Variants in RNMT observed in about 807,000 individuals in gnomAD.
The protein encoded by RNMT is RNA guanine-7 methyltransferase.
In RNMT, 27 loss-of-function variants were observed where a neutral mutation model predicts 56.0. The observed-to-expected ratio is 0.48, with a 90% CI of 0.36 to 0.67. RNMT has a LOEUF of 0.67. Among genes scored for constraint, RNMT ranks in the 30% least tolerant of loss-of-function variants. RNMT has a pLI of 0.00. For missense variants in RNMT, 519 were observed against 552.1 expected (o/e 0.94, Z 0.60); for synonymous variants, 184 against 176.2 (o/e 1.04, Z -0.35).
intron 10 of RNMT, among the ~76,000 whole-genome samples, chr18:13,753,816 T>TACACACACACACACACACACACACACAC (rs3138630): frequency 5.5e-5 from 8 of 144,410 alleles, no homozygotes; most frequent in Non-Finnish European, 1.5e-5. Flanking sequence ...ATTTTCCAGT[T>TACACACACACACACACACACACACACAC]ACACACACAC....
rs2044648826 is a variant in RNMT at position 13,763,943 on chromosome 18, TAGAG to T, written c.*3969_*3972del. The T allele has an allele frequency of 6.6e-6, 1 of 152,224 alleles. No homozygotes were observed. Among genetic ancestry groups the T allele is most frequent in the Admixed American group, 6.5e-5 (1 of 15,270 alleles). The allele number at this position is 152,224 out of a possible 1,614,324, so 9.4% of individuals were successfully genotyped here. On this transcript the variant is annotated 3_prime_UTR_variant, in exon 12 of 12. Coordinates refer to ENST00000383314, the MANE Select transcript of RNMT (RefSeq NM_003799.3). ...AAGGGGCTTTGTTGAAAGAGGGGGT[TAGAG>T]AGAGCAAGACAGCACTTGAGTGCAC...
chr18:13,749,522 T>A (rs1474181672), intron 9 of RNMT, among the ~76,000 whole-genome samples: 1 of 152,246 alleles, frequency 6.6e-6, no homozygotes, highest in Non-Finnish European at 1.5e-5. Context: ...AAGCAGATAT[T>A]CATAGATCAT....
Position 13,752,313 on chromosome 18 carries a change from T to A in RNMT, c.1258-13T>A, listed in dbSNP as rs2044463050. On this transcript the variant is annotated splice_polypyrimidine_tract_variant and intron_variant, in intron 9 of 11. Transcript: ENST00000383314. ...TCCGTTATTGTAACTAGGACTTTCA[T>A]TTCTTTCCCCAGCCATATCCTGCAA... 9.0e-6 allele frequency: 14 copies of A among 1,564,086 alleles called. No homozygotes were observed. The highest frequency in any genetic ancestry group is 1.2e-5 in the Non-Finnish European group (14 of 1,136,630).
chr18:13,738,163 G>A (rs1385469208), intron 5 of RNMT, among the ~76,000 whole-genome samples: 1 of 151,998 alleles, frequency 6.6e-6, no homozygotes, highest in Non-Finnish European at 1.5e-5. Context: ...TTGGTTTTAT[G>A]AGCCCTGTAT....
rs1160621568 is a variant in RNMT, at chr18:13,726,886, C to T, written c.-172+157C>T. On this transcript the variant is annotated intron_variant, in intron 1 of 11. Transcript: ENST00000383314. ...AACGCGTGGGTCTATTGCCTTGTGT[C>T]CTCAGTCCCAAGGAAAATGGGAACT... 6 of 152,420 alleles carry T rather than the reference C, an allele frequency of 3.9e-5. No individual in the cohort carries two copies. In the East Asian group the frequency reaches 9.7e-4, roughly 25 times the overall value. The allele number at this position is 152,420 out of a possible 1,614,324, so 9.4% of individuals were successfully genotyped here.
At position 13,728,797 on chromosome 18, in the gene RNMT, A is replaced by G. The variant is rs537348180; in HGVS notation, c.-171-1830A>G. On this transcript the variant is annotated intron_variant, in intron 1 of 11. Coordinates refer to ENST00000383314, the MANE Select transcript of RNMT (RefSeq NM_003799.3). ...TTTGTGTGTCTTTTAAGAAATGTCT[A>G]TTCAGATCTTTTGCCCATTTGTAGT... 1.7e-4 allele frequency among the ~76,000 whole-genome samples: 26 copies of G among 151,998 alleles called. 1 individual carries two copies. The highest frequency in any genetic ancestry group is 5.3e-4 in the African/African-American group (22 of 41,464).
rs1016113738 is a variant in RNMT, at chr18:13,760,309, G to A, written c.*330G>A. 19 of 1,055,624 alleles carry A rather than the reference G, an allele frequency of 1.8e-5. No homozygotes were observed. The African/African-American group carries it at 2.7e-4, about 15-fold the overall frequency. The allele number at this position is 1,055,624 out of a possible 1,614,324, so 65.4% of individuals were successfully genotyped here. ...AACTCTTTCCACAGTGTTCAGATTT[G>A]TCCTGTGTGTGTTTACAGTATTCAA... On this transcript the variant is annotated 3_prime_UTR_variant, in exon 12 of 12. Coordinates refer to ENST00000383314, the MANE Select transcript of RNMT (RefSeq NM_003799.3).
intron 11 of RNMT, among the ~76,000 whole-genome samples, chr18:13,757,518 A>G (rs189085083): frequency 3.0e-3 from 452 of 152,324 alleles, no homozygotes; most frequent in Non-Finnish European, 3.5e-3. Flanking sequence ...TTCTATCTCA[A>G]GCTCATCCAT....
rs1169054303 is a variant in RNMT, at chr18:13,740,149, AC to A, written c.680-15del. 2 of 1,447,392 alleles carry A rather than the reference AC, an allele frequency of 1.4e-6. No homozygotes were observed. The highest frequency in any genetic ancestry group is 2.8e-5 in the African/African-American group (2 of 71,526). 89.7% of individuals were successfully genotyped at this position (1,447,392 alleles called of 1,614,324 possible). A position where few individuals can be genotyped will look rare whatever the true frequency, so the allele number is the denominator to read the frequency against. ...GCATTCTGTGTTGATACTTACTAAT[AC>A]CCTTCCATCCTTCCAGATATTGCCG... On this transcript the variant is annotated splice_polypyrimidine_tract_variant and intron_variant, in intron 5 of 11. Coordinates refer to ENST00000383314, the MANE Select transcript of RNMT (RefSeq NM_003799.3).
rs1452613805 is a variant in RNMT, at chr18:13,744,157, T to G, written c.1139+1505T>G. On this transcript the variant is annotated intron_variant, in intron 8 of 11. Coordinates refer to ENST00000383314, the MANE Select transcript of RNMT (RefSeq NM_003799.3). ...AAATGCTAAACAAGACCTAGCGGTC[T>G]TCTTTTTTTTTTTTTTTTTTTTTTT... Among the ~76,000 whole-genome samples, 21 of 100,064 alleles carry G rather than the reference T, an allele frequency of 2.1e-4. 1 individual carries two copies. The highest frequency in any genetic ancestry group is 6.2e-4 in the African/African-American group (18 of 28,986). The allele number at this position is 100,064 out of a possible 152,430, so 65.6% of individuals were successfully genotyped here.
chr18:13,748,814 T>A (rs2044391759), intron 9 of RNMT, among the ~76,000 whole-genome samples: 5 of 152,178 alleles, frequency 3.3e-5, no homozygotes. Flanking sequence ...GCATGGTGGC[T>A]CATGCCTGTA....
intron 11 of RNMT, among the ~76,000 whole-genome samples, chr18:13,757,762 T>G (rs1042792531): frequency 6.6e-6 from 1 of 152,252 alleles, no homozygotes; most frequent in Non-Finnish European, 1.5e-5. Context: ...TGAACATTCT[T>G]AATGATATCT....
chr18:13,746,024 C>G (rs17621805), intron 8 of RNMT, among the ~76,000 whole-genome samples, 196 bp from the exon 9 acceptor site: 14,303 of 152,190 alleles, frequency 0.094, 959 homozygotes, highest in African/African-American at 0.18. Flanking sequence ...CTCTGAAACC[C>G]CTGAGATTTA....
chr18:13,741,789 CTT>C (rs3831428), intron 7 of RNMT, 98 bp downstream of exon 7: 216,072 of 747,658 alleles, frequency 0.29, 34,274 homozygotes, highest in Non-Finnish European at 0.33. Context: ...CTATTTTAAT[CTT>C]ATAAGTGTTG....
At chr18:13,749,524 A>G (rs995508277) in intron 9 of RNMT, among the ~76,000 whole-genome samples, 1 of 152,256 alleles carries the variant, frequency 6.6e-6, no homozygotes, top group African/African-American at 2.4e-5. Flanking sequence ...GCAGATATTC[A>G]TAGATCATTT....
intron 7 of RNMT, 108 bp from the exon 8 acceptor site, chr18:13,742,380 A>T: frequency 2.0e-6 from 2 of 987,062 alleles, no homozygotes; most frequent in Non-Finnish European, 3.0e-6. Context: ...TTAAAAGGCT[A>T]ATCAAGTGTG....
chr18:13,754,939 A>C (rs146116453), intron 11 of RNMT, among the ~76,000 whole-genome samples: 82 of 152,354 alleles, frequency 5.4e-4, no homozygotes, highest in African/African-American at 1.8e-3. Flanking sequence ...TCCTGTGTTC[A>C]GAAGAGAAGC....
intron 6 of RNMT, 106 bp from the exon 7 acceptor site, chr18:13,741,404 T>G: frequency 1.5e-6 from 1 of 676,280 alleles, no homozygotes; most frequent in South Asian, 2.1e-5. Flanking sequence ...AGGGAAAGAT[T>G]GTGAGGGAAA....
At chr18:13,735,401 T>C (rs1425088753) in intron 4 of RNMT, among the ~76,000 whole-genome samples, 1 of 152,158 alleles carries the variant, frequency 6.6e-6, no homozygotes, top group Non-Finnish European at 1.5e-5. Flanking sequence ...TGAACACATT[T>C]TAACATTTTG....
Sources: allele counts gnomAD v4.1 joint callset (sites outside exome capture counted in the v4.1 genomes callset), GRCh38; gene constraint gnomAD v4.1.1; transcripts MANE v1.5; gene names NCBI Gene and HGNC (gene_info 2026-07-23, HGNC 2026-07-21).